Variants in FBLN1 observed in about 807,000 individuals in gnomAD.
FBLN1 encodes the protein fibulin-1.
FBLN1 carries 34 observed loss-of-function variants against 89.7 expected under a neutral mutation model. The ratio of observed to expected loss-of-function variants is 0.38; its 90% confidence interval spans 0.29 to 0.50. FBLN1 has a LOEUF of 0.50. Among genes scored for constraint, FBLN1 ranks in the 20% least tolerant of loss-of-function variants. The pLI is 0.92. For synonymous variants in FBLN1, 393 were observed against 391.3 expected, an observed-to-expected ratio of 1.00 and a Z score of -0.05; for missense variants, 777 against 988.1, an observed-to-expected ratio of 0.79 and a Z score of 2.86.
At position 45,541,280 on chromosome 22, in the gene FBLN1, G is replaced by GCAT. The variant is rs1569246607; in HGVS notation, c.977_979dup (p.Ile326dup). 6.2e-6 allele frequency: 10 copies of GCAT among 1,614,216 alleles called. No individual in the cohort carries two copies. Among genetic ancestry groups the GCAT allele is most frequent in the Non-Finnish European group, 8.5e-6 (10 of 1,180,024 alleles). Reference sequence around the variant, plus strand: ...GCCCCGTGCCCTATCGGGCATACATGCATCAACACAGAGGGCTCCTACACG... The same window carrying GCAT: ...GCCCCGTGCCCTATCGGGCATACATGCATCATCAACACAGAGGGCTCCTACACG... On this transcript the variant is annotated inframe_insertion, in exon 9 of 17. Transcript: ENST00000327858.
At position 45,556,969 on chromosome 22, in the gene FBLN1, A is replaced by G. The variant is rs1355216992; in HGVS notation, c.1697+6354A>G. On this transcript the variant is annotated intron_variant, in intron 14 of 16. Transcript: ENST00000327858. This position sits in a 1 kb window ranked among gnomAD's most constrained non-coding sequence, Gnocchi z 4.6. ...TCCTGGCTATGGGAGAAACAGTGCC[A>G]TAATATTGGACCCTGATTCAGAGCA... 6.6e-6 allele frequency among the ~76,000 whole-genome samples: 1 copy of G among 152,176 alleles called. No homozygotes were observed. The highest frequency in any genetic ancestry group is 1.5e-5 in the Non-Finnish European group (1 of 68,030).
intron 1 of FBLN1, among the ~76,000 whole-genome samples, chr22:45,507,984 G>T (rs998324243): frequency 6.6e-6 from 1 of 152,162 alleles, no homozygotes; most frequent in Non-Finnish European, 1.5e-5. Flanking sequence ...GTGATAGGTT[G>T]AGGATGGAAA....
In FBLN1 at chr22:45,578,262, G is replaced by C. The variant is rs1355175765; in HGVS notation, c.1972+1154G>C. On this transcript the variant is annotated intron_variant, in intron 16 of 16. Transcript: ENST00000327858. This position sits in a 1 kb window ranked among gnomAD's most constrained non-coding sequence, Gnocchi z 4.6. ...TTGTTAAAACTGGCAGCTGGAGAAA[G>C]GGAATCGTTATTCCCGTCTTGCCAA... 1 of 152,238 alleles carries C rather than the reference G, an allele frequency of 6.6e-6. No individual in the cohort carries two copies. The highest frequency in any genetic ancestry group is 1.5e-5 in the Non-Finnish European group (1 of 68,048). The allele number at this position is 152,238 out of a possible 1,614,324, so 9.4% of individuals were successfully genotyped here. A position where few individuals can be genotyped will look rare whatever the true frequency, so the allele number is the denominator to read the frequency against.
In FBLN1 at chr22:45,576,042, G is replaced by T. The variant is rs563354443; in HGVS notation, c.1841-935G>T. 6.6e-6 allele frequency among the ~76,000 whole-genome samples: 1 copy of T among 152,192 alleles called. No homozygotes were observed. Among genetic ancestry groups the T allele is most frequent in the Admixed American group, 6.5e-5 (1 of 15,288 alleles). ...TACACCATGACACAACCATGCGGGG[G>T]GGTGGGGGGAGGAGAGGCTCCCTCA... is the stretch of plus-strand genomic sequence containing the variant. On this transcript the variant is annotated intron_variant, in intron 15 of 16. Coordinates refer to ENST00000327858, the MANE Select transcript of FBLN1 (RefSeq NM_006486.3). This position sits in a 1 kb window ranked among gnomAD's most constrained non-coding sequence, Gnocchi z 5.2.
At chr22:45,528,253 T>G (rs1383629671) in intron 4 of FBLN1, among the ~76,000 whole-genome samples, 4 of 152,202 alleles carry the variant, frequency 2.6e-5, no homozygotes, top group Non-Finnish European at 4.4e-5. Flanking sequence ...CCAGTCTTTT[T>G]TCTCTGAAGG....
At position 45,503,015 on chromosome 22, in the gene FBLN1, C is replaced by A. The variant is rs984261801; in HGVS notation, c.30C>A (p.Val10=). 13 of 1,245,540 alleles carry A rather than the reference C, an allele frequency of 1.0e-5. No individual in the cohort carries two copies. The highest frequency in any genetic ancestry group is 4.0e-5 in the Admixed American group (1 of 25,190). 77.2% of individuals were successfully genotyped at this position (1,245,540 alleles called of 1,614,324 possible). ...AGCGCGCCGCGCCGTCGCGCCGGGT[C>A]CCGCTTCCGCTGCTGCTGCTCGGCG... MERAAPSRR[V]PLPLLLLGGL... Residue 10 remains valine, a synonymous_variant, in exon 1 of 17, where the codon GTC becomes GTA. Coordinates refer to ENST00000327858, the MANE Select transcript of FBLN1 (RefSeq NM_006486.3).
At position 45,577,841 on chromosome 22, in the gene FBLN1, A is replaced by G. The variant is rs2089010948; in HGVS notation, c.1972+733A>G. On this transcript the variant is annotated intron_variant, in intron 16 of 16. Transcript: ENST00000327858. This position sits in a 1 kb window ranked among gnomAD's most constrained non-coding sequence, Gnocchi z 6.6. ...TGGCTAGGAACGGGCTTTAATGACA[A>G]CCTACTCGTGTGAAAAAATATCCAG... 1.3e-5 allele frequency: 2 copies of G among 155,326 alleles called. No individual in the cohort carries two copies. Among genetic ancestry groups the G allele is most frequent in the South Asian group, 3.9e-4 (2 of 5,074 alleles). 9.6% of individuals were successfully genotyped at this position (155,326 alleles called of 1,614,324 possible).
At chr22:45,566,931 C>T (rs1027156858) in intron 14 of FBLN1, among the ~76,000 whole-genome samples, 3 of 152,202 alleles carry the variant, frequency 2.0e-5, no homozygotes, top group African/African-American at 7.2e-5. Context: ...AGAGTGCTGA[C>T]CATGAGACAG....
chr22:45,503,922 A>C (rs6007065), intron 1 of FBLN1, among the ~76,000 whole-genome samples: 7,826 of 151,806 alleles, frequency 0.052, 281 homozygotes, highest in Middle Eastern at 0.095. Flanking sequence ...CCCTGGGGGG[A>C]CTGCCACGAG....
chr22:45,542,088 T>G, intron 9 of FBLN1, 67 bp from the exon 10 acceptor site: 1 of 1,611,486 alleles, frequency 6.2e-7, no homozygotes, highest in Non-Finnish European at 8.5e-7. Flanking sequence ...CTTTCCTTTC[T>G]GATCATCTTG....
intron 4 of FBLN1, among the ~76,000 whole-genome samples, chr22:45,529,906 C>T (rs191780375): frequency 2.0e-3 from 299 of 151,974 alleles, no homozygotes; most frequent in African/African-American, 6.6e-3. Flanking sequence ...GGGGAGGTGC[C>T]GGAAGGGGCG....
At position 45,550,736 on chromosome 22, in the gene FBLN1, A is replaced by C; in HGVS notation, c.1697+121A>C. 1 of 1,401,742 alleles carries C rather than the reference A, an allele frequency of 7.1e-7. No individual in the cohort carries two copies. The highest frequency in any genetic ancestry group is 1.0e-6 in the Non-Finnish European group (1 of 994,198). 86.8% of individuals were successfully genotyped at this position (1,401,742 alleles called of 1,614,324 possible). A position where few individuals can be genotyped will look rare whatever the true frequency, so the allele number is the denominator to read the frequency against. On this transcript the variant is annotated intron_variant, in intron 14 of 16. Coordinates refer to ENST00000327858, the MANE Select transcript of FBLN1 (RefSeq NM_006486.3). The surrounding 1 kb of genome is among the most constrained non-coding windows in gnomAD (Gnocchi z 8.4). ...TGTCCTCCCATGAGGGACTCAGGGC[A>C]CTCAAAGATCACCTGATCCCTGGCC...
chr22:45,585,506 G>T (rs141579499), intron 16 of FBLN1, among the ~76,000 whole-genome samples: 6 of 152,244 alleles, frequency 3.9e-5, no homozygotes. Context: ...CAGCGCGGCC[G>T]TCCCTGCCCA....
chr22:45,527,937 C>G lies in FBLN1; in HGVS notation c.412C>G (p.Gln138Glu). Residue 138 changes from glutamine (Q) to glutamate (E), a missense_variant, in exon 4 of 17, where the codon CAG (glutamine) becomes GAG (glutamate). Transcript: ENST00000327858. ...YSLMVGYQCG[Q>E]VFQACCVKSQ... Reference sequence around the variant, plus strand: ...CCTCATGGTTGGCTACCAGTGTGGACAGGTCTTCCAGGCATGCTGTGTCAA... The same window carrying G: ...CCTCATGGTTGGCTACCAGTGTGGAGAGGTCTTCCAGGCATGCTGTGTCAA... The G allele has an allele frequency of 1.2e-6, 2 of 1,614,188 alleles. No homozygotes were observed. Among genetic ancestry groups the G allele is most frequent in the Non-Finnish European group, 1.7e-6 (2 of 1,180,036 alleles).
Position 45,518,816 on chromosome 22 carries a change from T to A in FBLN1, c.185+29T>A. ...CGTTTGCCAGTGGCCACTGTTTCAC[T>A]GGAACAATGTTCCTTTAGAGAAAAG... On this transcript the variant is annotated intron_variant, in intron 2 of 16. Transcript: ENST00000327858. 1.9e-6 allele frequency: 3 copies of A among 1,540,254 alleles called. No individual in the cohort carries two copies. In the Middle Eastern group the frequency reaches 5.0e-4, roughly 259 times the overall value.
chr22:45,542,171 G>T lies in FBLN1; in HGVS notation c.1083G>T (p.Ala361=), dbSNP rs761039345. The change falls in exon 10 of 17, where the codon GCG becomes GCT. Residue 361 remains alanine (A), a synonymous_variant. Coordinates refer to ENST00000327858, the MANE Select transcript of FBLN1 (RefSeq NM_006486.3). ...GTRCVDVDEC[A]PPAEPCGKGH... The stretch of plus-strand genomic sequence containing the variant: ...CTTTGCAAGATGTGGACGAGTGCGC[G>T]CCACCTGCTGAGCCCTGTGGGAAGG... 9 of 1,614,008 alleles carry T rather than the reference G, an allele frequency of 5.6e-6. No homozygotes were observed. The highest frequency in any genetic ancestry group is 3.3e-5 in the Admixed American group (2 of 60,002).
rs148227335 is a variant in FBLN1, at chr22:45,552,225, G to T, written c.1697+1610G>T. 5.9e-3 allele frequency among the ~76,000 whole-genome samples: 894 copies of T among 152,384 alleles called. 15 individuals carry two copies. The highest frequency in any genetic ancestry group is 0.021 in the African/African-American group (869 of 41,600). On this transcript the variant is annotated intron_variant, in intron 14 of 16. Coordinates refer to ENST00000327858, the MANE Select transcript of FBLN1 (RefSeq NM_006486.3). ...GGACCCCACCTGGCTGGGCGTGAGG[G>T]TGGGCAGGGGGCTGTCTGGAGTGGG... is the stretch of plus-strand genomic sequence containing the variant.
chr22:45,539,973 G>A (rs963813182), intron 8 of FBLN1, among the ~76,000 whole-genome samples: 2 of 152,178 alleles, frequency 1.3e-5, no homozygotes, highest in African/African-American at 2.4e-5. Context: ...AGGGCTAGAT[G>A]GTAACTAACA....
intron 2 of FBLN1, among the ~76,000 whole-genome samples, chr22:45,524,371 C>T (rs905130689): frequency 5.9e-5 from 9 of 152,302 alleles, no homozygotes; most frequent in East Asian, 3.9e-4. Flanking sequence ...CTTTGGAGCC[C>T]GCCCACGCCA....
Sources: gnomAD v4.1 joint callset for allele counts (sites outside exome capture counted in the v4.1 genomes callset) on GRCh38, gnomAD v4.1.1 for gene constraint, Gnocchi (gnomAD v3.1) non-coding constraint, MANE v1.5 for transcripts, NCBI Gene and HGNC (gene_info 2026-07-23, HGNC 2026-07-21) for gene names.